DENND1A: variants seen among roughly 807,000 people sequenced by gnomAD.
The protein encoded by DENND1A is DENN domain-containing protein 1A.
DENND1A carries 51 observed loss-of-function variants against 113.7 expected under a neutral mutation model. That is an observed-to-expected ratio of 0.45 (90% CI 0.36 to 0.57). The LOEUF (loss-of-function observed/expected upper bound fraction) is 0.57. Ranked by LOEUF, DENND1A falls within the 20% of genes least tolerant of loss-of-function variation. DENND1A has a pLI of 0.00. For synonymous variants in DENND1A, 565 were observed against 570.8 expected, an observed-to-expected ratio of 0.99 and a Z score of 0.14; for missense variants, 1,258 against 1,395.9, an observed-to-expected ratio of 0.90 and a Z score of 1.57.
chr9:123,910,189 T>A (rs1222281176), intron 1 of DENND1A, among the ~76,000 whole-genome samples: 2 of 152,202 alleles, frequency 1.3e-5, no homozygotes, highest in Admixed American at 6.5e-5. Context: ...GGACCTAGAA[T>A]AGTCCCAAAC....
intron 2 of DENND1A, among the ~76,000 whole-genome samples, chr9:123,803,558 C>A (rs150391246): frequency 6.6e-6 from 1 of 152,172 alleles, no homozygotes; most frequent in Non-Finnish European, 1.5e-5. Flanking sequence ...ACAGACTCTG[C>A]CTTCGTCTTA....
chr9:123,656,087 T>G (rs1163620829), intron 8 of DENND1A, among the ~76,000 whole-genome samples: 1 of 152,222 alleles, frequency 6.6e-6, no homozygotes, highest in Non-Finnish European at 1.5e-5. Context: ...TTGACGGATA[T>G]GCAGGGGAAG....
chr9:123,738,887 C>CT (rs1423671717), intron 5 of DENND1A, among the ~76,000 whole-genome samples: 1 of 152,066 alleles, frequency 6.6e-6, no homozygotes, highest in Non-Finnish European at 1.5e-5. Flanking sequence ...AAAGTAAATA[C>CT]TATGGAAAAG....
intron 7 of DENND1A, among the ~76,000 whole-genome samples, chr9:123,667,527 G>A (rs903614250): frequency 6.6e-6 from 1 of 152,216 alleles, no homozygotes; most frequent in Admixed American, 6.5e-5. Flanking sequence ...TAAAGCAGGA[G>A]AATCGTTTGA....
At chr9:123,576,179 T>C (rs2058625443) in intron 12 of DENND1A, among the ~76,000 whole-genome samples, 2 of 152,198 alleles carry the variant, frequency 1.3e-5, no homozygotes, top group African/African-American at 2.4e-5. Context: ...AATAATATTA[T>C]GCCAGTTTTT....
At chr9:123,559,318 T>C (rs1338982661) in intron 12 of DENND1A, among the ~76,000 whole-genome samples, 1 of 152,130 alleles carries the variant, frequency 6.6e-6, no homozygotes, top group East Asian at 1.9e-4. Context: ...AGCATGCAGG[T>C]AACATATCAA....
chr9:123,642,747 C>G (rs936616230), intron 9 of DENND1A, among the ~76,000 whole-genome samples: 1 of 152,150 alleles, frequency 6.6e-6, no homozygotes. Context: ...GGCCTTGGCT[C>G]TGCTCCAGGA....
chr9:123,574,604 C>T (rs2058535130), intron 12 of DENND1A, among the ~76,000 whole-genome samples: 1 of 152,070 alleles, frequency 6.6e-6, no homozygotes, highest in South Asian at 2.1e-4. Context: ...TTCTCCTTAC[C>T]CAGTTTCAGT....
intron 13 of DENND1A, among the ~76,000 whole-genome samples, chr9:123,517,348 TG>T (rs934339324): frequency 1.3e-5 from 2 of 151,370 alleles, no homozygotes; most frequent in African/African-American, 4.9e-5. Context: ...GGGCCGGGCA[TG>T]GTGGCTCATG....
intron 1 of DENND1A, among the ~76,000 whole-genome samples, chr9:123,913,371 C>T (rs184225535): frequency 1.3e-5 from 2 of 152,182 alleles, no homozygotes; most frequent in East Asian, 1.9e-4. Context: ...ATAGTCAAAT[C>T]AACCTTGAAA....
At chr9:123,636,560 G>A (rs909410714) in intron 9 of DENND1A, among the ~76,000 whole-genome samples, 4 of 151,992 alleles carry the variant, frequency 2.6e-5, no homozygotes, top group African/African-American at 7.3e-5. Context: ...CAGGTGATCC[G>A]CCCTCCTCGG....
chr9:123,706,895 T>C (rs559288852), intron 5 of DENND1A, among the ~76,000 whole-genome samples: 2 of 150,040 alleles, frequency 1.3e-5, no homozygotes, highest in East Asian at 4.0e-4. Context: ...AGACTAAGAA[T>C]AGAGTTGAGG....
intron 15 of DENND1A, among the ~76,000 whole-genome samples, chr9:123,456,678 C>T (rs1322794771): frequency 6.6e-6 from 1 of 152,120 alleles, no homozygotes; most frequent in East Asian, 1.9e-4. Context: ...GGCGTGGTGA[C>T]ACGTGCCTGT....
At chr9:123,476,393 G>A (rs777199594) in intron 13 of DENND1A, among the ~76,000 whole-genome samples, 1 of 152,170 alleles carries the variant, frequency 6.6e-6, no homozygotes, top group Non-Finnish European at 1.5e-5. Flanking sequence ...CTGGATGTGG[G>A]AGTCTCCAGC....
At chr9:123,616,328 C>T (rs191994869) in intron 10 of DENND1A, among the ~76,000 whole-genome samples, 2 of 152,318 alleles carry the variant, frequency 1.3e-5, no homozygotes, top group African/African-American at 4.8e-5. Context: ...AAGTCTCTTA[C>T]GCTACTCTTA....
intron 5 of DENND1A, among the ~76,000 whole-genome samples, chr9:123,740,963 G>A (rs975132916): frequency 7.0e-6 from 1 of 143,006 alleles, no homozygotes; most frequent in Admixed American, 7.0e-5. Context: ...CAAGTACCAG[G>A]ACTAGGAAAT....
intron 13 of DENND1A, among the ~76,000 whole-genome samples, chr9:123,474,670 G>C (rs1298497768): frequency 6.6e-6 from 1 of 152,224 alleles, no homozygotes; most frequent in Non-Finnish European, 1.5e-5. Context: ...CAGTGTGATG[G>C]TGAGCAAGTG....
chr9:123,671,164 T>G lies in DENND1A; in HGVS notation c.453+127A>C. On this transcript the variant is annotated intron_variant, in intron 7 of 23. Transcript: ENST00000394215. ...CTGGCCTATCTTGAACTCAGAGGTC[T>G]CAGAGTATTTGGGGGTAGGGTTAGG... 1.9e-6 allele frequency: 2 copies of G among 1,050,714 alleles called. 1 individual carries two copies. The highest frequency in any genetic ancestry group is 3.2e-5 in the African/African-American group (2 of 63,006). 65.1% of individuals were successfully genotyped at this position (1,050,714 alleles called of 1,614,324 possible). A position where few individuals can be genotyped will look rare whatever the true frequency, so the allele number is the denominator to read the frequency against.
At chr9:123,421,095 G>C (rs376833758) in intron 19 of DENND1A, among the ~76,000 whole-genome samples, 7 of 145,640 alleles carry the variant, frequency 4.8e-5, no homozygotes, top group African/African-American at 1.8e-4. Flanking sequence ...TGTCGAGGGT[G>C]CCTGGGTGAC....
Sources: gnomAD v4.1 joint callset for allele counts (sites outside exome capture counted in the v4.1 genomes callset) on GRCh38, gnomAD v4.1.1 for gene constraint, MANE v1.5 for transcripts, NCBI Gene and HGNC (gene_info 2026-07-23, HGNC 2026-07-21) for gene names.